The following CSMD1 variants were observed in gnomAD, a reference collection of about 807,000 sequenced individuals.
The protein encoded by CSMD1 is CUB and Sushi multiple domains 1.
In CSMD1, 213 loss-of-function variants were observed where a neutral mutation model predicts 417.5. The observed-to-expected ratio is 0.51, with a 90% CI of 0.46 to 0.57. The LOEUF (loss-of-function observed/expected upper bound fraction) is 0.57, where lower values mean the gene tolerates loss of function less well. Ranked by LOEUF, CSMD1 falls within the 20% of genes least tolerant of loss-of-function variation. The pLI, the probability that CSMD1 is intolerant of heterozygous loss-of-function variation, is 0.00. For synonymous variants in CSMD1, 2,862 were observed against 1,736.8 expected, an observed-to-expected ratio of 1.65 and a Z score of -16.11; for missense variants, 6,923 against 4,529.7, an observed-to-expected ratio of 1.53 and a Z score of -15.17.
At chr8:4,131,616 A>G (rs544863257) in intron 3 of CSMD1, among the ~76,000 whole-genome samples, 3 of 152,290 alleles carry the variant, frequency 2.0e-5, no homozygotes, top group African/African-American at 7.2e-5. Flanking sequence ...ACACTTGAGA[A>G]TAGGTACAGC....
intron 52 of CSMD1, among the ~76,000 whole-genome samples, chr8:3,000,659 T>C (rs1043929643): frequency 1.3e-5 from 2 of 152,206 alleles, no homozygotes; most frequent in African/African-American, 4.8e-5. Flanking sequence ...GGTGAGCTGA[T>C]GTCTGAGTAA....
chr8:3,708,744 C>G (rs1204050130), intron 6 of CSMD1, among the ~76,000 whole-genome samples: 5 of 152,192 alleles, frequency 3.3e-5, no homozygotes, highest in Admixed American at 2.6e-4. Context: ...CTGCCACTGA[C>G]TTTACACATC....
At chr8:4,861,399 G>A (rs2407669) in intron 1 of CSMD1, among the ~76,000 whole-genome samples, 124,234 of 152,052 alleles carry the variant, frequency 0.82, 53,071 homozygotes, top group East Asian at 1. Flanking sequence ...CTATTACTAC[G>A]CTGTAAACAT....
chr8:3,245,341 T>A (rs1215125254), intron 26 of CSMD1, among the ~76,000 whole-genome samples: 1 of 152,096 alleles, frequency 6.6e-6, no homozygotes, highest in African/African-American at 2.4e-5. Context: ...GTAAGGGCAT[T>A]TGCAAAACAA....
At chr8:4,414,872 G>A (rs1032422702) in intron 3 of CSMD1, among the ~76,000 whole-genome samples, 1 of 152,080 alleles carries the variant, frequency 6.6e-6, no homozygotes, top group African/African-American at 2.4e-5. Context: ...AGGCATATGA[G>A]GTGCCATCTA....
intron 10 of CSMD1, among the ~76,000 whole-genome samples, chr8:3,503,367 T>C (rs1244719684): frequency 6.6e-6 from 1 of 152,260 alleles, no homozygotes; most frequent in Admixed American, 6.5e-5. Flanking sequence ...ACTATATGAC[T>C]ATTAGCCTAT....
At position 4,583,338 on chromosome 8, in the gene CSMD1, G is replaced by C. The variant is rs543023915; in HGVS notation, c.302+54004C>G. On this transcript the variant is annotated intron_variant, in intron 2 of 69. Coordinates refer to ENST00000635120, the MANE Select transcript of CSMD1 (RefSeq NM_033225.6). ...AGAACCTTTATGTGTCTTCCTCAGG[G>C]ATTGTAAATACACCAATCGGCATTC... Among the ~76,000 whole-genome samples, 3 of 152,022 alleles carry C rather than the reference G, an allele frequency of 2.0e-5. No individual in the cohort carries two copies. In the South Asian group the frequency reaches 6.2e-4, roughly 32 times the overall value.
At chr8:2,994,458 G>C (rs144383144) in intron 54 of CSMD1, among the ~76,000 whole-genome samples, 2,181 of 152,236 alleles carry the variant, frequency 0.014, 18 homozygotes, top group Non-Finnish European at 0.022. Context: ...AACTCAGCCG[G>C]GGCAGTGGAA....
chr8:4,251,469 G>A (rs1803067398), intron 3 of CSMD1, among the ~76,000 whole-genome samples: 1 of 152,158 alleles, frequency 6.6e-6, no homozygotes, highest in African/African-American at 2.4e-5. Context: ...ACCATGCAGT[G>A]TTGTAGGAGC....
At chr8:4,591,099 G>C (rs945747046) in intron 2 of CSMD1, among the ~76,000 whole-genome samples, 14 of 152,166 alleles carry the variant, frequency 9.2e-5, no homozygotes, top group African/African-American at 3.4e-4. Context: ...CTCTAAGGTT[G>C]TAAGCTATGC....
intron 4 of CSMD1, among the ~76,000 whole-genome samples, chr8:4,022,462 T>C (rs894734470): frequency 3.9e-5 from 6 of 152,180 alleles, no homozygotes; most frequent in African/African-American, 1.4e-4. Flanking sequence ...TAAGGACATT[T>C]GCAGCCTTGC....
chr8:3,263,538 G>A (rs1585847328), intron 26 of CSMD1, among the ~76,000 whole-genome samples: 1 of 152,050 alleles, frequency 6.6e-6, no homozygotes, highest in African/African-American at 2.4e-5. Flanking sequence ...TATAGTAAAT[G>A]TTCATTTTTG....
chr8:3,167,166 T>A (rs1029124147), intron 37 of CSMD1, among the ~76,000 whole-genome samples: 2 of 151,922 alleles, frequency 1.3e-5, no homozygotes, highest in Non-Finnish European at 2.9e-5. Context: ...GTGCCTGTAA[T>A]CGCAGGTACT....
intron 3 of CSMD1, among the ~76,000 whole-genome samples, chr8:4,079,689 T>A (rs940895088): frequency 6.6e-6 from 1 of 152,250 alleles, no homozygotes; most frequent in South Asian, 2.1e-4. Context: ...TTTATTCCTG[T>A]AGTAAACTTG....
intron 3 of CSMD1, among the ~76,000 whole-genome samples, chr8:4,174,818 G>C (rs1220537699): frequency 1.5e-5 from 2 of 132,642 alleles, no homozygotes; most frequent in Non-Finnish European, 3.2e-5. Context: ...AGATTAGTTT[G>C]TGTGCCAGAG....
intron 1 of CSMD1, among the ~76,000 whole-genome samples, chr8:4,761,882 T>TCTAC (rs1450603408): frequency 2.6e-4 from 25 of 97,272 alleles, no homozygotes; most frequent in East Asian, 1.5e-3. Flanking sequence ...TATCTATCTA[T>TCTAC]CTATCTACCT....
intron 26 of CSMD1, among the ~76,000 whole-genome samples, chr8:3,234,720 A>G (rs1353365243): frequency 6.6e-6 from 1 of 152,224 alleles, no homozygotes; most frequent in Admixed American, 6.5e-5. Flanking sequence ...GAAAGTCACG[A>G]AGGTCTCACC....
At chr8:3,124,591 G>C (rs1817389847) in intron 41 of CSMD1, among the ~76,000 whole-genome samples, 5 of 152,128 alleles carry the variant, frequency 3.3e-5, no homozygotes. Flanking sequence ...GAAGAGAGAT[G>C]ACCTCTGCAG....
chr8:3,728,471 G>A (rs540312892), intron 6 of CSMD1, among the ~76,000 whole-genome samples: 260 of 152,262 alleles, frequency 1.7e-3, no homozygotes, highest in African/African-American at 5.8e-3. Context: ...TAGGTTTATC[G>A]TAACAGAGTA....
Sources: allele counts gnomAD v4.1 joint callset (sites outside exome capture counted in the v4.1 genomes callset), GRCh38; gene constraint gnomAD v4.1.1; transcripts MANE v1.5; gene names NCBI Gene and HGNC (gene_info 2026-07-23, HGNC 2026-07-21).